Variants in KPNA1 observed in about 807,000 individuals in gnomAD.
KPNA1 encodes the protein karyopherin subunit alpha 1, also known as importin subunit alpha-5.
KPNA1 carries 10 observed loss-of-function variants against 70.5 expected under a neutral mutation model. That is an observed-to-expected ratio of 0.14 (90% CI 0.09 to 0.24). The LOEUF (loss-of-function observed/expected upper bound fraction) is 0.24, where lower values mean the gene tolerates loss of function less well. KPNA1 is among the 10% of genes least tolerant of loss of function. The pLI is 1.00. For synonymous variants in KPNA1, 192 were observed against 221.9 expected, an observed-to-expected ratio of 0.87 and a Z score of 1.20; for missense variants, 397 against 637.9, an observed-to-expected ratio of 0.62 and a Z score of 4.07.
At chr3:122,463,855 C>T (rs1428461948) in intron 4 of KPNA1, 87 bp downstream of exon 4, 7 of 578,950 alleles carry the variant, frequency 1.2e-5, no homozygotes, top group Non-Finnish European at 1.8e-5. Flanking sequence ...TACTCCAACA[C>T]AAATTACCTG....
At chr3:122,491,331 T>G (rs1287054157) in intron 2 of KPNA1, among the ~76,000 whole-genome samples, 2 of 152,232 alleles carry the variant, frequency 1.3e-5, no homozygotes, top group Admixed American at 6.5e-5. Context: ...CGTCCAATAT[T>G]TGACTTAGAA....
intron 2 of KPNA1, among the ~76,000 whole-genome samples, chr3:122,473,383 C>T (rs539204668): frequency 1.1e-4 from 16 of 152,214 alleles, no homozygotes; most frequent in South Asian, 1.0e-3. Flanking sequence ...CAGTAGAGGC[C>T]AACATCAGAG....
At chr3:122,441,992 A>G in intron 10 of KPNA1, 46 bp downstream of exon 10, 2 of 1,223,180 alleles carry the variant, frequency 1.6e-6, no homozygotes, top group South Asian at 2.4e-5. Context: ...ATGAAGTTCA[A>G]TATACTGTTT....
intron 2 of KPNA1, among the ~76,000 whole-genome samples, chr3:122,484,296 CATAAGAACTGTGTA>C (rs2076604546): frequency 6.6e-6 from 1 of 152,090 alleles, no homozygotes; most frequent in African/African-American, 2.4e-5. Context: ...ATTTTTAGTA[CATAAGAACTGTGTA>C]CAAACTGAAA....
At chr3:122,442,932 T>A (rs138618893) in intron 9 of KPNA1, 1 of 152,312 alleles carries the variant, frequency 6.6e-6, no homozygotes, top group African/African-American at 2.4e-5. Context: ...AGGTACCTGA[T>A]TCATCTCACT....
In KPNA1 at chr3:122,422,875, A is replaced by G. The variant is rs887765715; in HGVS notation, c.*4110T>C. The G allele has an allele frequency of 6.6e-6, 1 of 152,214 alleles. No homozygotes were observed. Among genetic ancestry groups the G allele is most frequent in the African/African-American group, 2.4e-5 (1 of 41,460 alleles). 9.4% of individuals were successfully genotyped at this position (152,214 alleles called of 1,614,324 possible). A position where few individuals can be genotyped will look rare whatever the true frequency, so the allele number is the denominator to read the frequency against. On this transcript the variant is annotated 3_prime_UTR_variant, in exon 14 of 14. Coordinates refer to ENST00000344337, the MANE Select transcript of KPNA1 (RefSeq NM_002264.4). ...GGGAAAACACTCTGGGACTTCGTTT[A>G]CCCTTAGTTGAAAACAGAACGGAAC...
intron 5 of KPNA1, among the ~76,000 whole-genome samples, chr3:122,457,009 T>C (rs1560031230): frequency 6.6e-6 from 1 of 152,250 alleles, no homozygotes; most frequent in African/African-American, 2.4e-5. Flanking sequence ...GATATGTATG[T>C]ATGTTTATGC....
At chr3:122,464,124 G>T in intron 3 of KPNA1, 83 bp from the exon 4 acceptor site, 1 of 626,020 alleles carries the variant, frequency 1.6e-6, no homozygotes, top group Non-Finnish European at 2.6e-6. Context: ...TCATGGCCAA[G>T]TTATTAAGTT....
intron 5 of KPNA1, among the ~76,000 whole-genome samples, chr3:122,458,396 G>A (rs565460667): frequency 1.2e-4 from 19 of 152,154 alleles, no homozygotes; most frequent in Non-Finnish European, 2.5e-4. Context: ...TTCACCTTCA[G>A]CACCTGGGTA....
At position 122,437,259 on chromosome 3, in the gene KPNA1, G is replaced by A. The variant is rs746404486; in HGVS notation, c.1033C>T (p.His345Tyr). The A allele has an allele frequency of 1.2e-6, 2 of 1,613,396 alleles. No homozygotes were observed. The highest frequency in any genetic ancestry group is 1.7e-6 in the Non-Finnish European group (2 of 1,179,516). Residue 345 changes from histidine (H) to tyrosine (Y), a missense_variant, in exon 11 of 14, where the codon CAT (histidine) becomes TAT (tyrosine). His to Tyr is a moderately conservative substitution (Grantham distance 83, BLOSUM62 2). Transcript: ENST00000344337. Reference sequence around the variant, plus strand: ...GATTCCTTTGGGCTACTCAGCAAATGCAATAAACTCTGCAGAGCTGAGCAA... The same window carrying A: ...GATTCCTTTGGGCTACTCAGCAAATACAATAAACTCTGCAGAGCTGAGCAA... The part of the protein sequence containing the change: ...LNCSALQSLL[H>Y]LLSSPKESIK...
intron 2 of KPNA1, among the ~76,000 whole-genome samples, chr3:122,474,328 C>T (rs1432185448): frequency 6.6e-6 from 1 of 152,122 alleles, no homozygotes; most frequent in Non-Finnish European, 1.5e-5. Flanking sequence ...TATTTTCTAT[C>T]ACCAAGATGA....
At chr3:122,476,882 A>C (rs1416615371) in intron 2 of KPNA1, among the ~76,000 whole-genome samples, 1 of 150,378 alleles carries the variant, frequency 6.6e-6, no homozygotes, top group African/African-American at 2.4e-5. Context: ...AAAAAAAAAA[A>C]AACTAAAAAA....
At chr3:122,427,913 G>T (rs1282718957) in intron 12 of KPNA1, among the ~76,000 whole-genome samples, 197 bp from the exon 13 acceptor site, 1 of 151,780 alleles carries the variant, frequency 6.6e-6, no homozygotes, top group Non-Finnish European at 1.5e-5. Context: ...TCCCAAACCA[G>T]TTCTCTGGCA....
intron 2 of KPNA1, among the ~76,000 whole-genome samples, chr3:122,495,751 A>C (rs1253144376): frequency 1.4e-5 from 2 of 147,780 alleles, no homozygotes; most frequent in Non-Finnish European, 3.0e-5. Flanking sequence ...AAAAAAAGTC[A>C]CTTAAGCCTT....
intron 5 of KPNA1, among the ~76,000 whole-genome samples, chr3:122,457,063 T>A (rs557785018): frequency 1.1e-3 from 173 of 152,292 alleles, no homozygotes; most frequent in Admixed American, 1.6e-3. Flanking sequence ...AAAACAGAAT[T>A]TCCCTGAGTA....
intron 2 of KPNA1, among the ~76,000 whole-genome samples, chr3:122,474,005 G>C (rs975401125): frequency 1.2e-4 from 19 of 152,070 alleles, no homozygotes; most frequent in African/African-American, 4.6e-4. Flanking sequence ...ATTATAGCAA[G>C]GTTACATGAC....
At chr3:122,467,535 T>C in intron 2 of KPNA1, 106 bp from the exon 3 acceptor site, 2 of 604,634 alleles carry the variant, frequency 3.3e-6, no homozygotes, top group Non-Finnish European at 2.8e-6. Flanking sequence ...TTGAAAATCA[T>C]TTTTAAAATT....
intron 12 of KPNA1, 30 bp from the exon 13 acceptor site, chr3:122,427,746 A>G (rs780898937): frequency 2.1e-6 from 3 of 1,442,208 alleles, no homozygotes; most frequent in South Asian, 1.6e-5. Context: ...TAGTCAAACA[A>G]AACTTTTAAT....
chr3:122,475,384 T>A (rs9878699), intron 2 of KPNA1, among the ~76,000 whole-genome samples: 21,224 of 152,214 alleles, frequency 0.14, 1,587 homozygotes, highest in East Asian at 0.32. Flanking sequence ...GATATTCTTA[T>A]GTTCATGAAT....
Sources: gnomAD v4.1 joint callset for allele counts (sites outside exome capture counted in the v4.1 genomes callset) on GRCh38, gnomAD v4.1.1 for gene constraint, MANE v1.5 for transcripts, NCBI Gene and HGNC (gene_info 2026-07-23, HGNC 2026-07-21) for gene names.